Variants in KCNMA1 observed in about 807,000 individuals in gnomAD.
KCNMA1 encodes the protein potassium calcium-activated channel subfamily M alpha 1.
A neutral mutation model predicts 140.0 loss-of-function variants in KCNMA1; 29 were observed. The observed-to-expected ratio is 0.21, with a 90% CI of 0.15 to 0.28. The LOEUF is 0.28. Among genes scored for constraint, KCNMA1 ranks in the 10% least tolerant of loss-of-function variants. KCNMA1 has a pLI of 1.00. For synonymous variants in KCNMA1, 612 were observed against 611.9 expected, an observed-to-expected ratio of 1.00 and a Z score of 0.00; for missense variants, 880 against 1,602.2, an observed-to-expected ratio of 0.55 and a Z score of 7.70.
intron 15 of KCNMA1, among the ~76,000 whole-genome samples, chr10:77,031,225 T>C (rs918324350): frequency 6.6e-6 from 1 of 152,232 alleles, no homozygotes; most frequent in Non-Finnish European, 1.5e-5. Flanking sequence ...ACAGTGTTTT[T>C]TAAAAAACTG....
chr10:77,312,952 CAT>C (rs1452457896), intron 2 of KCNMA1, among the ~76,000 whole-genome samples: 2 of 152,180 alleles, frequency 1.3e-5, no homozygotes, highest in Non-Finnish European at 2.9e-5. Flanking sequence ...CAAATTACCA[CAT>C]GATTTAAAAA....
chr10:77,426,938 A>C (rs955215203), intron 1 of KCNMA1, among the ~76,000 whole-genome samples: 1 of 152,248 alleles, frequency 6.6e-6, no homozygotes, highest in African/African-American at 2.4e-5. Context: ...AAGTAATTGC[A>C]ACACAGGATT....
At chr10:77,011,925 G>A (rs1421802465) in intron 18 of KCNMA1, 42 bp downstream of exon 18, 4 of 1,532,824 alleles carry the variant, frequency 2.6e-6, no homozygotes, top group East Asian at 4.5e-5. Context: ...TTGGGGAATA[G>A]GAATGAGAAA....
chr10:77,099,686 C>G lies in KCNMA1; in HGVS notation c.1223+8795G>C, dbSNP rs1390783316. ...CCAAGATTGCGCCATTGCACTCCAG[C>G]CTGGGCAACAAGAGCAAAACTCCAT... On this transcript the variant is annotated intron_variant, in intron 9 of 27. Transcript: ENST00000286628. Among the ~76,000 whole-genome samples the G allele has an allele frequency of 2.0e-5, 3 of 149,506 alleles. No homozygotes were observed. In the East Asian group the frequency reaches 5.9e-4, roughly 29 times the overall value.
intron 5 of KCNMA1, chr10:77,140,769 G>A (rs568695502): frequency 2.0e-5 from 3 of 152,318 alleles, no homozygotes; most frequent in Non-Finnish European, 4.4e-5. Flanking sequence ...TCAGAAAGGC[G>A]GTTAAGAGGG....
intron 14 of KCNMA1, among the ~76,000 whole-genome samples, chr10:77,045,912 A>G (rs1315346746): frequency 1.3e-5 from 2 of 152,232 alleles, no homozygotes; most frequent in Non-Finnish European, 2.9e-5. Context: ...AATAATTCCA[A>G]AGATTGTCAT....
At chr10:77,591,442 A>G (rs1248269984) in intron 1 of KCNMA1, among the ~76,000 whole-genome samples, 3 of 152,218 alleles carry the variant, frequency 2.0e-5, no homozygotes, top group Non-Finnish European at 4.4e-5. Context: ...ATCTAGAGTA[A>G]TACTTCTCAA....
At chr10:77,593,850 T>C (rs1348076728) in intron 1 of KCNMA1, among the ~76,000 whole-genome samples, 11 of 152,176 alleles carry the variant, frequency 7.2e-5, no homozygotes, top group African/African-American at 4.8e-5. Context: ...ATCTGCACAA[T>C]AAGGAAACCC....
chr10:77,189,457 C>T (rs531285365), intron 3 of KCNMA1, among the ~76,000 whole-genome samples: 3 of 152,150 alleles, frequency 2.0e-5, no homozygotes, highest in East Asian at 1.9e-4. Flanking sequence ...CACCAGTGGA[C>T]GTTCCAATTA....
At chr10:77,414,377 G>C (rs1192307754) in intron 1 of KCNMA1, among the ~76,000 whole-genome samples, 1 of 152,188 alleles carries the variant, frequency 6.6e-6, no homozygotes, top group Admixed American at 6.5e-5. Context: ...GGGTCAACTG[G>C]TGCTCAGGAG....
chr10:77,440,822 T>C (rs1603620179), intron 1 of KCNMA1, among the ~76,000 whole-genome samples: 1 of 151,990 alleles, frequency 6.6e-6, no homozygotes, highest in African/African-American at 2.4e-5. Context: ...TTTTTTTGTT[T>C]TTGTTTTTGT....
At position 77,084,641 on chromosome 10, in the gene KCNMA1, T is replaced by G; in HGVS notation, c.1519A>C (p.Met507Leu). The G allele has an allele frequency of 6.2e-7, 1 of 1,613,726 alleles. No homozygotes were observed. Among genetic ancestry groups the G allele is most frequent in the Non-Finnish European group, 8.5e-7 (1 of 1,179,616 alleles). ...CCGCAGCGCCCCAAGAGTTACCTCA[T>G]GATATTCGAGGCATCCTCCGCATCC... Reference protein sequence around the residue: ...DPDAEDASNIMRVISIKNYHP... With the variant: ...DPDAEDASNILRVISIKNYHP... The change falls in exon 12 of 28, where the codon ATG becomes CTG. Residue 507 changes from methionine (M) to leucine (L), a missense_variant. Met to Leu is a conservative substitution (Grantham distance 15). Around this residue, in one of 13 missense-constraint regions of KCNMA1, gnomAD observed 198 missense variants for 580.1 expected, o/e 0.34. Transcript: ENST00000286628.
At chr10:77,387,585 C>CTCTTT (rs138520830) in intron 2 of KCNMA1, among the ~76,000 whole-genome samples, 3,430 of 143,312 alleles carry the variant, frequency 0.024, 111 homozygotes, top group African/African-American at 0.076. Flanking sequence ...TTTTTCTTTT[C>CTCTTT]TCTTTTCTTT....
At chr10:77,444,103 A>G (rs1029123630) in intron 1 of KCNMA1, among the ~76,000 whole-genome samples, 1 of 152,204 alleles carries the variant, frequency 6.6e-6, no homozygotes, top group Non-Finnish European at 1.5e-5. Context: ...AGAGATTACA[A>G]ATCCTTTCTA....
chr10:77,218,848 G>A lies in KCNMA1; in HGVS notation c.602+32347C>T, dbSNP rs376184625. 2.9e-4 allele frequency among the ~76,000 whole-genome samples: 44 copies of A among 152,072 alleles called. No individual in the cohort carries two copies. In the East Asian group the frequency reaches 3.9e-3, roughly 13 times the overall value. Reference sequence around the variant, plus strand: ...ATCACAGGTGCACGCCACCATATCCGGCTAATTTTTGTTTTTTGGGTAGAG... The same window carrying A: ...ATCACAGGTGCACGCCACCATATCCAGCTAATTTTTGTTTTTTGGGTAGAG... On this transcript the variant is annotated intron_variant, in intron 3 of 27. Coordinates refer to ENST00000286628, the MANE Select transcript of KCNMA1 (RefSeq NM_001161352.2).
intron 1 of KCNMA1, among the ~76,000 whole-genome samples, chr10:77,594,214 C>A (rs2080108298): frequency 6.6e-6 from 1 of 152,204 alleles, no homozygotes; most frequent in African/African-American, 2.4e-5. Flanking sequence ...TCCCTGCCAT[C>A]CAAGCTTTCC....
intron 1 of KCNMA1, among the ~76,000 whole-genome samples, chr10:77,625,226 A>T (rs1433021674): frequency 6.6e-6 from 1 of 152,102 alleles, no homozygotes; most frequent in East Asian, 1.9e-4. Context: ...CTAAAAATAC[A>T]AAAAGTTAGC....
At chr10:77,161,087 G>A (rs1597530604) in intron 5 of KCNMA1, among the ~76,000 whole-genome samples, 1 of 152,202 alleles carries the variant, frequency 6.6e-6, no homozygotes, top group Non-Finnish European at 1.5e-5. Context: ...TAGAAACATT[G>A]TCTGTCGGCT....
chr10:77,037,704 A>G (rs1032977107), intron 15 of KCNMA1, among the ~76,000 whole-genome samples: 6 of 152,200 alleles, frequency 3.9e-5, no homozygotes, highest in African/African-American at 9.6e-5. Context: ...CACCAACATA[A>G]GACTCCCGCA....
Sources: allele counts gnomAD v4.1 joint callset (sites outside exome capture counted in the v4.1 genomes callset), GRCh38; gene constraint gnomAD v4.1.1; regional missense constraint gnomAD v4.1.1; transcripts MANE v1.5; gene names NCBI Gene and HGNC (gene_info 2026-07-23, HGNC 2026-07-21).